TMEM135: variants seen among roughly 807,000 people sequenced by gnomAD.
The protein encoded by TMEM135 is peroxisomal membrane protein 52.
A neutral mutation model predicts 60.3 loss-of-function variants in TMEM135; 30 were observed. The ratio of observed to expected loss-of-function variants is 0.50; its 90% confidence interval spans 0.37 to 0.68. The LOEUF is 0.68. Ranked by LOEUF, TMEM135 falls within the 30% of genes least tolerant of loss-of-function variation. TMEM135 has a pLI of 0.00. For synonymous variants in TMEM135, 190 were observed against 186.7 expected, an observed-to-expected ratio of 1.02 and a Z score of -0.14; for missense variants, 468 against 548.8, an observed-to-expected ratio of 0.85 and a Z score of 1.47.
chr11:87,206,440 G>GT (rs1236879809), intron 5 of TMEM135, among the ~76,000 whole-genome samples: 2 of 151,980 alleles, frequency 1.3e-5, no homozygotes, highest in Non-Finnish European at 2.9e-5. Flanking sequence ...TTTGAATGTT[G>GT]TTTTTTTCCT....
chr11:87,093,978 A>G (rs866224824), intron 4 of TMEM135, among the ~76,000 whole-genome samples: 1 of 152,220 alleles, frequency 6.6e-6, no homozygotes, highest in Non-Finnish European at 1.5e-5. Context: ...TTCATCTAAC[A>G]TACCTCCACA....
chr11:87,236,474 G>A (rs1940997725), intron 5 of TMEM135, among the ~76,000 whole-genome samples, 164 bp from the exon 6 acceptor site: 1 of 151,982 alleles, frequency 6.6e-6, no homozygotes, highest in Non-Finnish European at 1.5e-5. Context: ...GGTTGAACAA[G>A]CTTCGTTTAT....
intron 3 of TMEM135, among the ~76,000 whole-genome samples, chr11:87,072,277 A>C (rs11234949): frequency 3.9e-5 from 6 of 152,094 alleles, no homozygotes; most frequent in Non-Finnish European, 5.9e-5. Context: ...AAGAAAATTA[A>C]CAATAGTTTT....
chr11:87,062,199 T>G (rs1396865794), intron 1 of TMEM135, among the ~76,000 whole-genome samples: 1 of 151,858 alleles, frequency 6.6e-6, no homozygotes, highest in African/African-American at 2.4e-5. Flanking sequence ...AGAGATGGTA[T>G]TTCATCATGT....
At chr11:87,163,585 C>T (rs891048708) in intron 5 of TMEM135, among the ~76,000 whole-genome samples, 21 of 151,974 alleles carry the variant, frequency 1.4e-4, no homozygotes, top group African/African-American at 4.6e-4. Context: ...ATGGTATTTC[C>T]AGTTCTAGAT....
chr11:87,091,279 C>G, intron 3 of TMEM135, 83 bp from the exon 4 acceptor site: 1 of 1,251,396 alleles, frequency 8.0e-7, no homozygotes, highest in South Asian at 1.3e-5. Context: ...GAATATAATT[C>G]TTTTTATAGA....
chr11:87,154,956 A>C (rs603234), intron 4 of TMEM135, among the ~76,000 whole-genome samples: 6,712 of 103,522 alleles, frequency 0.065, 39 homozygotes, highest in East Asian at 0.25. Context: ...CCTTTGATGC[A>C]CTAAAGTTTT....
chr11:87,144,436 A>G (rs747353128), intron 4 of TMEM135, among the ~76,000 whole-genome samples: 3 of 152,230 alleles, frequency 2.0e-5, no homozygotes, highest in African/African-American at 7.2e-5. Flanking sequence ...ACAAATGGGC[A>G]TGGTGGTGTG....
In TMEM135 at chr11:87,227,829, A is replaced by C. The variant is rs376994709; in HGVS notation, c.463-8809A>C. Among the ~76,000 whole-genome samples the C allele has an allele frequency of 2.0e-5, 3 of 152,326 alleles. No homozygotes were observed. In the East Asian group the frequency reaches 5.8e-4, roughly 29 times the overall value. On this transcript the variant is annotated intron_variant, in intron 5 of 14. Transcript: ENST00000305494. Reference sequence around the variant, plus strand: ...TTCAGAAAAGTTGAAGATGCTTAGCAGAGTCTAAAGTTTAGTCTTTTAAAA... The same window carrying C: ...TTCAGAAAAGTTGAAGATGCTTAGCCGAGTCTAAAGTTTAGTCTTTTAAAA...
intron 4 of TMEM135, among the ~76,000 whole-genome samples, chr11:87,148,035 C>T (rs985563667): frequency 5.3e-5 from 8 of 152,112 alleles, no homozygotes; most frequent in African/African-American, 1.7e-4. Flanking sequence ...GGATTACAGG[C>T]GTGAGCCACC....
intron 5 of TMEM135, among the ~76,000 whole-genome samples, chr11:87,206,625 C>T (rs1047568800): frequency 1.3e-5 from 2 of 152,104 alleles, no homozygotes; most frequent in African/African-American, 4.8e-5. Flanking sequence ...AACACAAACA[C>T]TTAATGTTAG....
chr11:87,291,104 G>A (rs1565159029), intron 6 of TMEM135, among the ~76,000 whole-genome samples: 1 of 152,102 alleles, frequency 6.6e-6, no homozygotes, highest in Non-Finnish European at 1.5e-5. Context: ...CTAGTCTCAT[G>A]CATTTAAATA....
chr11:87,106,755 G>A (rs999720784), intron 4 of TMEM135, among the ~76,000 whole-genome samples: 1 of 152,088 alleles, frequency 6.6e-6, no homozygotes, highest in Non-Finnish European at 1.5e-5. Context: ...GGCCATTATT[G>A]CATTGCTATA....
chr11:87,211,503 A>G (rs541078), intron 5 of TMEM135, among the ~76,000 whole-genome samples: 19,731 of 152,084 alleles, frequency 0.13, 1,310 homozygotes, highest in Non-Finnish European at 0.14. Context: ...AGGCCACAGG[A>G]ACCATTGCAG....
chr11:87,195,574 C>A (rs1195920626), intron 5 of TMEM135, among the ~76,000 whole-genome samples: 1 of 151,858 alleles, frequency 6.6e-6, no homozygotes, highest in African/African-American at 2.4e-5. Context: ...TTACAGCTGG[C>A]TAATTTTGTA....
intron 3 of TMEM135, among the ~76,000 whole-genome samples, chr11:87,088,058 T>G (rs1289816379): frequency 6.6e-6 from 1 of 152,074 alleles, no homozygotes; most frequent in Non-Finnish European, 1.5e-5. Context: ...TTTTTAAAGC[T>G]GAGCCCAGCC....
At chr11:87,082,921 T>C (rs1050211284) in intron 3 of TMEM135, among the ~76,000 whole-genome samples, 1 of 152,216 alleles carries the variant, frequency 6.6e-6, no homozygotes, top group Non-Finnish European at 1.5e-5. Context: ...TAATCAGTTT[T>C]TCAAAAAGTA....
Position 87,256,147 on chromosome 11 carries a change from AT to A in TMEM135, c.509+19466del, listed in dbSNP as rs535109996. On this transcript the variant is annotated intron_variant, in intron 6 of 14. Transcript: ENST00000305494. Reference sequence around the variant, plus strand: ...AATGAGGTTTTGAAGTTATAAACTTATTTGAATTTACTTTTAAACTAAATGT... The same window carrying A: ...AATGAGGTTTTGAAGTTATAAACTTATTGAATTTACTTTTAAACTAAATGT... Among the ~76,000 whole-genome samples the A allele has an allele frequency of 2.7e-3, 416 of 152,346 alleles. 3 individuals carry two copies. The highest frequency in any genetic ancestry group is 9.6e-3 in the African/African-American group (400 of 41,592).
In TMEM135 at chr11:87,325,758, A is replaced by G. The variant is rs2134549420; in HGVS notation, c.*4425A>G. ...GCAGGATGATGTAGAAGATAATTGC[A>G]CAGATATGGAAGGAGATGTTTCTCT... On this transcript the variant is annotated 3_prime_UTR_variant, in exon 15 of 15. Transcript: ENST00000305494. 2.2e-6 allele frequency: 1 copy of G among 453,902 alleles called. No homozygotes were observed. Among genetic ancestry groups the G allele is most frequent in the East Asian group, 7.0e-5 (1 of 14,378 alleles). The allele number at this position is 453,902 out of a possible 1,614,324, so 28.1% of individuals were successfully genotyped here.
Sources: gnomAD v4.1 joint callset for allele counts (sites outside exome capture counted in the v4.1 genomes callset) on GRCh38, gnomAD v4.1.1 for gene constraint, MANE v1.5 for transcripts, NCBI Gene and HGNC (gene_info 2026-07-23, HGNC 2026-07-21) for gene names.